B3GALT1: variants seen among roughly 807,000 people sequenced by gnomAD.
B3GALT1 encodes UDP-Gal:betaGlcNAc beta 1,3-galactosyltransferase, polypeptide 1.
A neutral mutation model predicts 23.2 loss-of-function variants in B3GALT1; 10 were observed. The observed-to-expected ratio is 0.43, with a 90% CI of 0.27 to 0.73. B3GALT1 has a LOEUF of 0.73. Among genes scored for constraint, B3GALT1 ranks in the 30% least tolerant of loss-of-function variants. The pLI is 0.21. For missense variants in B3GALT1, 299 were observed against 405.4 expected (o/e 0.74, Z 2.25); for synonymous variants, 156 against 141.5 (o/e 1.10, Z -0.73).
At chr2:167,824,599 C>T (rs890234612) in intron 4 of B3GALT1, among the ~76,000 whole-genome samples, 26 of 152,188 alleles carry the variant, frequency 1.7e-4, no homozygotes, top group Non-Finnish European at 1.9e-4. Flanking sequence ...GGGCTCATGG[C>T]TTGATCCTCT....
chr2:167,528,982 T>C (rs73026004), intron 2 of B3GALT1, among the ~76,000 whole-genome samples: 2 of 152,066 alleles, frequency 1.3e-5, no homozygotes, highest in African/African-American at 2.4e-5. Context: ...CCTTTGTGTA[T>C]TGATCCCGTT....
chr2:167,592,346 C>A (rs1017470554), intron 2 of B3GALT1, among the ~76,000 whole-genome samples: 17 of 152,160 alleles, frequency 1.1e-4, no homozygotes, highest in Admixed American at 7.9e-4. Flanking sequence ...GGATCTCTCT[C>A]ACCCTTTGCC....
intron 3 of B3GALT1, chr2:167,713,888 A>G (rs933450159): frequency 3.1e-5 from 49 of 1,584,842 alleles, no homozygotes; most frequent in African/African-American, 5.4e-5. Context: ...AGCTCCAAAC[A>G]TGGTTCCTGG....
At chr2:167,590,884 A>T (rs1574156059) in intron 2 of B3GALT1, among the ~76,000 whole-genome samples, 1 of 152,222 alleles carries the variant, frequency 6.6e-6, no homozygotes, top group Admixed American at 6.5e-5. Flanking sequence ...AGGAGAGGGT[A>T]TAAAGTAACA....
intron 1 of B3GALT1, among the ~76,000 whole-genome samples, chr2:167,400,826 A>G (rs765592036): frequency 6.6e-6 from 1 of 152,152 alleles, no homozygotes; most frequent in Non-Finnish European, 1.5e-5. Flanking sequence ...GGCTTTGTGT[A>G]GGAAATGTAT....
At chr2:167,485,715 C>CATAT (rs1275059354) in intron 1 of B3GALT1, among the ~76,000 whole-genome samples, 1 of 152,172 alleles carries the variant, frequency 6.6e-6, no homozygotes, top group African/African-American at 2.4e-5. Context: ...CTAAACTATG[C>CATAT]ATATGCATTA....
intron 1 of B3GALT1, among the ~76,000 whole-genome samples, chr2:167,445,189 C>T (rs6720092): frequency 0.031 from 4,681 of 152,226 alleles, 224 homozygotes; most frequent in African/African-American, 0.11. Context: ...GTGAGTTTCT[C>T]AATCCTGAGT....
intron 3 of B3GALT1, among the ~76,000 whole-genome samples, chr2:167,666,949 C>T (rs912770569): frequency 2.0e-5 from 3 of 151,898 alleles, no homozygotes; most frequent in Admixed American, 6.6e-5. Flanking sequence ...AGTCCATTTA[C>T]ATTTAAAGTT....
chr2:167,569,379 G>C (rs1177054325), intron 2 of B3GALT1, among the ~76,000 whole-genome samples: 1 of 151,658 alleles, frequency 6.6e-6, no homozygotes, highest in Non-Finnish European at 1.5e-5. Context: ...TTTTATTAGA[G>C]ATTTTTAGAT....
At chr2:167,299,814 C>G (rs781073846) in intron 1 of B3GALT1, among the ~76,000 whole-genome samples, 11 of 151,506 alleles carry the variant, frequency 7.3e-5, no homozygotes, top group Middle Eastern at 3.4e-3. Context: ...GTCTCTCTCT[C>G]TCTCCATATA....
chr2:167,743,244 A>G (rs571164257), intron 3 of B3GALT1, among the ~76,000 whole-genome samples: 1 of 152,076 alleles, frequency 6.6e-6, no homozygotes, highest in Non-Finnish European at 1.5e-5. Context: ...TTTCTCGAGT[A>G]TGTACCTAGG....
chr2:167,397,237 C>T (rs949918380), intron 1 of B3GALT1, among the ~76,000 whole-genome samples: 5 of 151,526 alleles, frequency 3.3e-5, no homozygotes, highest in Admixed American at 6.6e-5. Flanking sequence ...TCCTTTCTTC[C>T]CTCCTTTCCA....
At chr2:167,827,913 G>A (rs575203449) in intron 4 of B3GALT1, among the ~76,000 whole-genome samples, 4 of 152,222 alleles carry the variant, frequency 2.6e-5, no homozygotes, top group East Asian at 1.9e-4. Flanking sequence ...GAGGGCTCTC[G>A]AAGCACAGCA....
chr2:167,393,182 C>T (rs933191005), intron 1 of B3GALT1, among the ~76,000 whole-genome samples: 8 of 150,124 alleles, frequency 5.3e-5, no homozygotes, highest in Non-Finnish European at 1.2e-4. Flanking sequence ...TGCAGTGAGC[C>T]GAGATTGCGC....
chr2:167,462,654 T>C (rs887795916), intron 1 of B3GALT1, among the ~76,000 whole-genome samples: 3 of 152,130 alleles, frequency 2.0e-5, no homozygotes, highest in Non-Finnish European at 4.4e-5. Flanking sequence ...GTTGGTGTAA[T>C]TTTGCATCAT....
At chr2:167,297,749 C>T (rs916208215) in intron 1 of B3GALT1, among the ~76,000 whole-genome samples, 1 of 152,064 alleles carries the variant, frequency 6.6e-6, no homozygotes, top group Non-Finnish European at 1.5e-5. Context: ...GCTTGACTTT[C>T]AAAAACCAGT....
rs749951984 is a variant in B3GALT1, at chr2:167,512,580, GTA to G, written c.-410+22313_-410+22314del. 8.1e-3 allele frequency among the ~76,000 whole-genome samples: 382 copies of G among 47,060 alleles called. 86 individuals are homozygous for G. The East Asian group carries it at 0.52, about 64-fold the overall frequency. The allele number at this position is 47,060 out of a possible 152,430, so 30.9% of individuals were successfully genotyped here. A position where few individuals can be genotyped will look rare whatever the true frequency, so the allele number is the denominator to read the frequency against. Reference sequence around the variant, plus strand: ...TGTATATATATATGTATATATATATGTATATATATATGTGTATATATATATAT... The same window carrying G: ...TGTATATATATATGTATATATATATGTATATATATGTGTATATATATATAT... On this transcript the variant is annotated intron_variant, in intron 2 of 4. Transcript: ENST00000392690.
intron 1 of B3GALT1, among the ~76,000 whole-genome samples, chr2:167,467,547 T>A (rs1699367093): frequency 6.6e-6 from 1 of 152,180 alleles, no homozygotes; most frequent in East Asian, 1.9e-4. Flanking sequence ...TCTGACATGA[T>A]GACATATGAC....
chr2:167,638,643 T>G (rs1419844609), intron 2 of B3GALT1, among the ~76,000 whole-genome samples: 1 of 152,064 alleles, frequency 6.6e-6, no homozygotes, highest in African/African-American at 2.4e-5. Flanking sequence ...CTTTCACTTT[T>G]TGGAACAATA....
Sources: allele counts gnomAD v4.1 joint callset (sites outside exome capture counted in the v4.1 genomes callset), GRCh38; gene constraint gnomAD v4.1.1; transcripts MANE v1.5; gene names NCBI Gene and HGNC (gene_info 2026-07-23, HGNC 2026-07-21).